Variants in GTF2I observed in about 807,000 individuals in gnomAD.
The protein encoded by GTF2I is general transcription factor IIi, also known as general transcription factor II-I.
A neutral mutation model predicts 67.6 loss-of-function variants in GTF2I; 12 were observed. The ratio of observed to expected loss-of-function variants is 0.18; its 90% CI spans 0.11 to 0.29. GTF2I has a LOEUF of 0.29. Among genes scored for constraint, GTF2I ranks in the 10% least tolerant of loss-of-function variants. The pLI is 1.00. For missense variants in GTF2I, 271 were observed against 580.1 expected, an observed-to-expected ratio of 0.47 and a Z score of 5.47; for synonymous variants, 149 against 197.0, an observed-to-expected ratio of 0.76 and a Z score of 2.04.
At chr7:74,720,064 C>T (rs1554404278) in intron 12 of GTF2I, among the ~76,000 whole-genome samples, 1 of 152,166 alleles carries the variant, frequency 6.6e-6, no homozygotes, top group East Asian at 1.9e-4. Flanking sequence ...ACTCTGCTCC[C>T]AAGTCCCAAT....
At chr7:74,690,912 G>T (rs187595737) in intron 2 of GTF2I, 61 bp from the exon 3 acceptor site, 5 of 1,481,276 alleles carry the variant, frequency 3.4e-6, no homozygotes, top group Non-Finnish European at 3.7e-6. Context: ...TTAATTCATC[G>T]AGCAGAAATG....
At position 74,749,038 on chromosome 7, in the gene GTF2I, CA is replaced by C; in HGVS notation, c.2188del (p.Ile730SerfsTer4). 3.4e-6 allele frequency: 1 copy of C among 291,832 alleles called. No individual in the cohort carries two copies. Among genetic ancestry groups the C allele is most frequent in the Non-Finnish European group, 6.3e-6 (1 of 159,022 alleles). 18.1% of individuals were successfully genotyped at this position (291,832 alleles called of 1,614,324 possible). A position where few individuals can be genotyped will look rare whatever the true frequency, so the allele number is the denominator to read the frequency against. On this transcript the variant is annotated frameshift_variant, in exon 25 of 35. Coordinates refer to ENST00000573035, the MANE Select transcript of GTF2I (RefSeq NM_032999.4). LOFTEE classifies it high-confidence loss of function. The stretch of plus-strand genomic sequence containing the variant: ...TTTTATATGCAGAGGCCTGGAATGC[CA>C]AAATCACGGACCTAAAACAGAAAGT... Reference protein sequence around the residue: ...REFSFEAWNAKITDLKQKVEN... With the variant: ...REFSFEAWNAXITDLKQKVEN...
intron 12 of GTF2I, chr7:74,726,397 G>T (rs1428841367): frequency 6.6e-6 from 1 of 152,056 alleles, no homozygotes; most frequent in African/African-American, 2.4e-5. Flanking sequence ...TCAGAATTGA[G>T]GTCCAAACTT....
intron 1 of GTF2I, among the ~76,000 whole-genome samples, chr7:74,687,952 G>A (rs913282845): frequency 2.0e-5 from 3 of 151,992 alleles, no homozygotes; most frequent in Non-Finnish European, 4.4e-5. Flanking sequence ...TTTTTAATAG[G>A]CATCTAATTT....
intron 1 of GTF2I, among the ~76,000 whole-genome samples, chr7:74,683,461 G>T (rs1787430265): frequency 1.3e-5 from 2 of 152,162 alleles, no homozygotes; most frequent in Non-Finnish European, 2.9e-5. Context: ...TGTCACCAGA[G>T]GACAGCAGGA....
chr7:74,685,454 G>A (rs1323800406), intron 1 of GTF2I, among the ~76,000 whole-genome samples: 3 of 152,040 alleles, frequency 2.0e-5, no homozygotes, highest in East Asian at 1.9e-4. Flanking sequence ...CTGAGATAGC[G>A]CCATTGCACT....
At chr7:74,714,436 C>T (rs1330075144) in intron 9 of GTF2I, among the ~76,000 whole-genome samples, 2 of 152,070 alleles carry the variant, frequency 1.3e-5, no homozygotes, top group African/African-American at 2.4e-5. Flanking sequence ...CATTTTTCTT[C>T]AGTATGACAA....
At chr7:74,671,025 A>G (rs587593502) in intron 1 of GTF2I, among the ~76,000 whole-genome samples, 3 of 150,360 alleles carry the variant, frequency 2.0e-5, no homozygotes, top group African/African-American at 7.3e-5. Flanking sequence ...TGTTTTGGCT[A>G]CTGTGAAACT....
At chr7:74,688,193 C>T (rs1167905940) in intron 1 of GTF2I, among the ~76,000 whole-genome samples, 10 of 152,156 alleles carry the variant, frequency 6.6e-5, no homozygotes, top group Non-Finnish European at 1.2e-4. Flanking sequence ...ATTCCCCTGT[C>T]TCAGACTCTT....
At chr7:74,701,526 A>G (rs1222427579) in intron 6 of GTF2I, among the ~76,000 whole-genome samples, 1 of 151,898 alleles carries the variant, frequency 6.6e-6, no homozygotes, top group South Asian at 2.1e-4. Context: ...GCTGGAGTGC[A>G]GTGGCGCGAT....
chr7:74,675,429 AAG>A (rs782161643), intron 1 of GTF2I, among the ~76,000 whole-genome samples: 7 of 152,074 alleles, frequency 4.6e-5, no homozygotes, highest in Non-Finnish European at 8.8e-5. Context: ...TTTTTTTTAA[AAG>A]AATGAATATT....
chr7:74,719,712 G>T (rs1554404213), intron 12 of GTF2I, among the ~76,000 whole-genome samples: 4 of 152,118 alleles, frequency 2.6e-5, no homozygotes, highest in African/African-American at 9.7e-5. Flanking sequence ...CTGAGGTCGG[G>T]AGCTCAAGAC....
chr7:74,705,627 G>A (rs917450611), intron 7 of GTF2I, among the ~76,000 whole-genome samples: 10 of 151,062 alleles, frequency 6.6e-5, no homozygotes, highest in African/African-American at 2.0e-4. Context: ...GCGCGATCTC[G>A]GCTCACTGCA....
chr7:74,665,905 C>T (rs1156907515), intron 1 of GTF2I, among the ~76,000 whole-genome samples: 1 of 152,204 alleles, frequency 6.6e-6, no homozygotes, highest in Non-Finnish European at 1.5e-5. Flanking sequence ...GGGATCCCAG[C>T]TCATTGCAAC....
At chr7:74,701,113 C>T (rs1324608625) in intron 6 of GTF2I, among the ~76,000 whole-genome samples, 2 of 152,152 alleles carry the variant, frequency 1.3e-5, no homozygotes, top group Non-Finnish European at 2.9e-5. Context: ...GGTTGGATTC[C>T]TTTATAGTTC....
At chr7:74,720,929 G>A (rs890740497) in intron 12 of GTF2I, among the ~76,000 whole-genome samples, 74 of 152,120 alleles carry the variant, frequency 4.9e-4, no homozygotes, top group African/African-American at 1.4e-3. Flanking sequence ...GAAAGGTTAC[G>A]AAAATCCAGA....
At chr7:74,691,192 CTTTCTTTCTTTCTTTCT>C in intron 3 of GTF2I, 81 bp downstream of exon 3, 1 of 893,370 alleles carries the variant, frequency 1.1e-6, no homozygotes, top group African/African-American at 1.7e-5. Context: ...ATATTATTTT[CTTTCTTTCTTTCTTTCT>C]TTTTTTTTTT....
Position 74,701,343 on chromosome 7 carries a change from A to G in GTF2I, c.586+709A>G, listed in dbSNP as rs587677938. Among the ~76,000 whole-genome samples the G allele has an allele frequency of 1.4e-4, 22 of 152,322 alleles. 1 individual carries two copies. The South Asian group carries it at 4.6e-3, about 32-fold the overall frequency. On this transcript the variant is annotated intron_variant, in intron 6 of 34. Coordinates refer to ENST00000573035, the MANE Select transcript of GTF2I (RefSeq NM_032999.4). The stretch of plus-strand genomic sequence containing the variant: ...TGTAACTATGAAAGGAAAAAATTAT[A>G]TATACATAAACATACACATTGTGTT...
intron 1 of GTF2I, among the ~76,000 whole-genome samples, chr7:74,670,710 C>CAA (rs75928280): frequency 1.6e-5 from 2 of 126,390 alleles, no homozygotes; most frequent in African/African-American, 2.9e-5. Context: ...AAAAAAAAAA[C>CAA]AAAAAAAAAA....
Sources: gnomAD v4.1 joint callset for allele counts (sites outside exome capture counted in the v4.1 genomes callset) on GRCh38, gnomAD v4.1.1 for gene constraint, MANE v1.5 for transcripts, NCBI Gene and HGNC (gene_info 2026-07-23, HGNC 2026-07-21) for gene names.